OMA1: variants seen among roughly 807,000 people sequenced by gnomAD.
OMA1 encodes the protein OMA1 zinc metallopeptidase, also known as metalloendopeptidase OMA1, mitochondrial.
Under a neutral mutation model 30.9 loss-of-function variants are expected in OMA1, and 38 were observed. That is an observed-to-expected ratio of 1.23 (90% CI 0.95 to 1.61). The LOEUF (loss-of-function observed/expected upper bound fraction) is 1.61. OMA1 is among the 40% of genes most tolerant of loss of function. The pLI is 0.00. For missense variants in OMA1, 461 were observed against 349.2 expected, an observed-to-expected ratio of 1.32 and a Z score of -2.55; for synonymous variants, 173 against 121.9, an observed-to-expected ratio of 1.42 and a Z score of -2.76.
chr1:58,536,739 C>A lies in OMA1; in HGVS notation c.503G>T (p.Gly168Val). Residue 168 changes from glycine to valine, a missense_variant and splice_region_variant, in exon 3 of 9, where the codon GGC becomes GTC. By Grantham distance (109) the Gly-to-Val change is moderately radical. Coordinates refer to ENST00000371226, the MANE Select transcript of OMA1 (RefSeq NM_145243.5). ...AAGTGCCTGCCACCATTTCCTTATG[C>A]CCCTAAAGCAAAAAGAAAAATTCAA... ...QKLFAIIVGR[G>V]IRKWWQALPP... The A allele has an allele frequency of 1.2e-6, 1 of 867,542 alleles. No individual in the cohort carries two copies. The highest frequency in any genetic ancestry group is 2.0e-6 in the Non-Finnish European group (1 of 500,112). The allele number at this position is 867,542 out of a possible 1,614,324, so 53.7% of individuals were successfully genotyped here.
chr1:58,504,449 C>A (rs1439338712), intron 8 of OMA1, among the ~76,000 whole-genome samples: 1 of 152,198 alleles, frequency 6.6e-6, no homozygotes, highest in Non-Finnish European at 1.5e-5. Context: ...CCTTCCTTGA[C>A]AACCGAACAT....
Position 58,536,537 on chromosome 1 carries a change from A to G in OMA1, c.705T>C (p.Leu235=). 1 of 872,584 alleles carries G rather than the reference A, an allele frequency of 1.1e-6. No homozygotes were observed. Among genetic ancestry groups the G allele is most frequent in the Non-Finnish European group, 2.0e-6 (1 of 501,492 alleles). The allele number at this position is 872,584 out of a possible 1,614,324, so 54.1% of individuals were successfully genotyped here. The change falls in exon 3 of 9, where the codon CTT becomes CTC. Residue 235 remains leucine (L), a synonymous_variant. Transcript: ENST00000371226. The part of the protein sequence containing the change: ...LLLLGKEQFR[L]LSELEYEAWM... The stretch of plus-strand genomic sequence containing the variant: ...CTGCTTCATATTCCAGTTCCGATAA[A>G]AGTCTGAACTGTTCTTTCCCCAATA...
intron 8 of OMA1, among the ~76,000 whole-genome samples, chr1:58,484,316 G>A (rs963668316): frequency 6.6e-6 from 1 of 152,162 alleles, no homozygotes; most frequent in South Asian, 2.1e-4. Flanking sequence ...TTGGAGATAT[G>A]TGAAGTCTAA....
At chr1:58,514,635 G>A (rs909185290) in intron 7 of OMA1, among the ~76,000 whole-genome samples, 2 of 152,104 alleles carry the variant, frequency 1.3e-5, no homozygotes, top group South Asian at 4.1e-4. Context: ...ACATGTGATA[G>A]GTAAAATAAT....
At chr1:58,497,505 G>T (rs1270185823) in intron 8 of OMA1, among the ~76,000 whole-genome samples, 1 of 152,122 alleles carries the variant, frequency 6.6e-6, no homozygotes. Flanking sequence ...TCCAAAATAA[G>T]ACTCCAGGAG....
chr1:58,508,140 T>C (rs1298243296), intron 7 of OMA1, among the ~76,000 whole-genome samples: 2 of 152,164 alleles, frequency 1.3e-5, no homozygotes, highest in Non-Finnish European at 2.9e-5. Context: ...CCCTACAGAC[T>C]AGAAAGTATT....
intron 7 of OMA1, among the ~76,000 whole-genome samples, chr1:58,517,370 T>C (rs1370891167): frequency 6.6e-6 from 1 of 152,250 alleles, no homozygotes; most frequent in Non-Finnish European, 1.5e-5. Context: ...ATTCCTGGAA[T>C]AAGCCATTGT....
intron 5 of OMA1, among the ~76,000 whole-genome samples, chr1:58,532,815 T>G (rs968304398): frequency 2.0e-5 from 3 of 152,186 alleles, no homozygotes; most frequent in Admixed American, 6.5e-5. Context: ...TATAAGCCAC[T>G]GCACCCAGTC....
intron 8 of OMA1, among the ~76,000 whole-genome samples, chr1:58,488,624 G>T (rs941789979): frequency 6.6e-6 from 1 of 151,760 alleles, no homozygotes; most frequent in Non-Finnish European, 1.5e-5. Context: ...GCTAATTTTT[G>T]TATTTTTAGT....
chr1:58,536,914 T>C (rs1007904493), intron 2 of OMA1, among the ~76,000 whole-genome samples, 173 bp from the exon 3 acceptor site: 16 of 152,110 alleles, frequency 1.1e-4, no homozygotes, highest in Non-Finnish European at 1.0e-4. Context: ...GATGAAAAAA[T>C]AATCAATGAT....
chr1:58,516,419 AG>A (rs1646158668), intron 7 of OMA1, among the ~76,000 whole-genome samples: 1 of 152,352 alleles, frequency 6.6e-6, no homozygotes, highest in African/African-American at 2.4e-5. Flanking sequence ...AATACTTAAC[AG>A]GACCTCTTTT....
intron 4 of OMA1, 29 bp downstream of exon 4, chr1:58,534,129 T>C (rs771784144): frequency 2.3e-6 from 2 of 867,168 alleles, no homozygotes; most frequent in South Asian, 1.3e-5. Context: ...AATTTAACAA[T>C]TACAATGCGT....
chr1:58,520,096 AGGGAAG>A (rs1187857028), intron 7 of OMA1, among the ~76,000 whole-genome samples: 1 of 152,140 alleles, frequency 6.6e-6, no homozygotes, highest in Non-Finnish European at 1.5e-5. Flanking sequence ...CAACTACCAG[AGGGAAG>A]GGGGAAGGAG....
intron 8 of OMA1, among the ~76,000 whole-genome samples, chr1:58,504,496 A>G (rs1339379938): frequency 6.6e-6 from 1 of 151,958 alleles, no homozygotes; most frequent in Non-Finnish European, 1.5e-5. Context: ...ACCCCTCTCT[A>G]ATACCTTTAA....
chr1:58,526,669 T>C (rs1476050007), intron 7 of OMA1, among the ~76,000 whole-genome samples: 2 of 151,288 alleles, frequency 1.3e-5, no homozygotes, highest in Non-Finnish European at 2.9e-5. Context: ...CTACTGTTTA[T>C]TTAAATGGTA....
chr1:58,519,577 GA>G (rs965702899), intron 7 of OMA1, among the ~76,000 whole-genome samples: 207 of 150,620 alleles, frequency 1.4e-3, no homozygotes, highest in African/African-American at 4.5e-3. Context: ...ACCTCTGATG[GA>G]AAAAAAAAAT....
chr1:58,491,031 T>C (rs1406045747), intron 8 of OMA1, among the ~76,000 whole-genome samples: 1 of 151,622 alleles, frequency 6.6e-6, no homozygotes, highest in African/African-American at 2.4e-5. Flanking sequence ...ATGGTCTCAA[T>C]CTCCTGACCT....
At chr1:58,486,846 T>G (rs546612181) in intron 8 of OMA1, among the ~76,000 whole-genome samples, 10 of 152,118 alleles carry the variant, frequency 6.6e-5, no homozygotes, top group African/African-American at 2.4e-4. Context: ...GACACTAGCT[T>G]AATGGGGGAC....
intron 3 of OMA1, among the ~76,000 whole-genome samples, chr1:58,536,024 T>C (rs191374456): frequency 6.6e-6 from 1 of 152,156 alleles, no homozygotes; most frequent in East Asian, 1.9e-4. Context: ...CCATGAAGCT[T>C]AGTCTAACAA....
Sources: gnomAD v4.1 joint callset for allele counts (sites outside exome capture counted in the v4.1 genomes callset) on GRCh38, gnomAD v4.1.1 for gene constraint, MANE v1.5 for transcripts, NCBI Gene and HGNC (gene_info 2026-07-23, HGNC 2026-07-21) for gene names.